FHIT: variants seen among roughly 807,000 people sequenced by gnomAD.
The protein encoded by FHIT is bis(5'-adenosyl)-triphosphatase.
Under a neutral mutation model 17.9 loss-of-function variants are expected in FHIT, and 19 were observed. The observed-to-expected ratio is 1.06, with a 90% CI of 0.74 to 1.56. The LOEUF (loss-of-function observed/expected upper bound fraction) is 1.56, where lower values mean the gene tolerates loss of function less well. Ranked by LOEUF, FHIT falls within the 40% of genes most tolerant of loss-of-function variation. The pLI is 0.00. For missense variants in FHIT, 248 were observed against 189.2 expected (o/e 1.31, Z -1.82); for synonymous variants, 81 against 69.7 (o/e 1.16, Z -0.81).
intron 4 of FHIT, among the ~76,000 whole-genome samples, chr3:60,714,113 G>A (rs1215537872): frequency 6.6e-6 from 1 of 152,196 alleles, no homozygotes; most frequent in Non-Finnish European, 1.5e-5. Context: ...TCCCTGGGAT[G>A]CAAGGCTGGT....
chr3:60,619,984 A>T (rs892983503), intron 4 of FHIT, among the ~76,000 whole-genome samples: 1 of 152,222 alleles, frequency 6.6e-6, no homozygotes, highest in African/African-American at 2.4e-5. Context: ...AAAATAATTT[A>T]AAAATGGGCA....
intron 3 of FHIT, among the ~76,000 whole-genome samples, chr3:60,848,264 C>T (rs182550400): frequency 1.3e-5 from 2 of 152,280 alleles, no homozygotes; most frequent in African/African-American, 4.8e-5. Context: ...GGGCCTTAAG[C>T]ACAGTTCTTC....
intron 4 of FHIT, among the ~76,000 whole-genome samples, chr3:60,800,846 T>C (rs1182841682): frequency 6.6e-6 from 1 of 152,140 alleles, no homozygotes; most frequent in Non-Finnish European, 1.5e-5. Flanking sequence ...GGACTGCCCT[T>C]GACCAGGCAT....
chr3:59,971,115 A>G (rs1248906205), intron 7 of FHIT, among the ~76,000 whole-genome samples: 4 of 152,070 alleles, frequency 2.6e-5, no homozygotes, highest in Non-Finnish European at 5.9e-5. Flanking sequence ...GTAATGCCAC[A>G]TATTAATTTA....
intron 5 of FHIT, among the ~76,000 whole-genome samples, chr3:60,517,986 A>C (rs1373331275): frequency 6.6e-6 from 1 of 152,234 alleles, no homozygotes; most frequent in Non-Finnish European, 1.5e-5. Context: ...TTTTTAAAGC[A>C]TGCCTATGAA....
chr3:60,692,349 T>A (rs1270415861), intron 4 of FHIT, among the ~76,000 whole-genome samples: 2 of 152,202 alleles, frequency 1.3e-5, no homozygotes. Flanking sequence ...TTAGATTACA[T>A]GGCAAAGGAA....
intron 3 of FHIT, among the ~76,000 whole-genome samples, chr3:60,953,868 A>G (rs782671093): frequency 3.3e-5 from 5 of 152,236 alleles, no homozygotes; most frequent in Non-Finnish European, 4.4e-5. Context: ...TCACGGAAAG[A>G]TGTCCATTAT....
At chr3:60,523,157 G>C (rs557232519) in intron 5 of FHIT, among the ~76,000 whole-genome samples, 5 of 152,082 alleles carry the variant, frequency 3.3e-5, no homozygotes, top group African/African-American at 4.8e-5. Context: ...CCCATAACAC[G>C]TGGGAATTAT....
chr3:59,907,917 GC>G (rs1704662340), intron 8 of FHIT, among the ~76,000 whole-genome samples: 1 of 152,138 alleles, frequency 6.6e-6, no homozygotes, highest in Admixed American at 6.5e-5. Flanking sequence ...CATCTTTAAG[GC>G]CATTGATGGC....
chr3:61,214,986 T>C (rs918575844), intron 1 of FHIT, among the ~76,000 whole-genome samples: 1 of 151,408 alleles, frequency 6.6e-6, no homozygotes, highest in Non-Finnish European at 1.5e-5. Context: ...CTCAATGAAT[T>C]AGGTATTGAT....
intron 3 of FHIT, among the ~76,000 whole-genome samples, chr3:60,849,985 C>A (rs923579538): frequency 1.3e-4 from 20 of 152,094 alleles, no homozygotes; most frequent in African/African-American, 4.8e-4. Flanking sequence ...CTCTTTCCTG[C>A]CTTCTTTCTA....
intron 8 of FHIT, among the ~76,000 whole-genome samples, chr3:59,793,389 A>G (rs1166498288): frequency 6.6e-6 from 1 of 151,926 alleles, no homozygotes; most frequent in Non-Finnish European, 1.5e-5. Flanking sequence ...GAGGAAGGAC[A>G]AAGTCAGAAT....
In FHIT at chr3:60,770,027, T is replaced by C. The variant is rs554169752; in HGVS notation, c.-18+51892A>G. Among the ~76,000 whole-genome samples, 211 of 152,268 alleles carry C rather than the reference T, an allele frequency of 1.4e-3. 1 individual carries two copies. Among genetic ancestry groups the C allele is most frequent in the African/African-American group, 5.0e-3 (209 of 41,566 alleles). On this transcript the variant is annotated intron_variant, in intron 4 of 9. Transcript: ENST00000492590. ...AGGGGTCATTAGTCTTGATTATCAG[T>C]TGGGAAATGAAGTTCCTGCTCAGCA...
chr3:61,126,873 T>C (rs776922063), intron 2 of FHIT, among the ~76,000 whole-genome samples: 3 of 152,098 alleles, frequency 2.0e-5, no homozygotes, highest in Non-Finnish European at 4.4e-5. Flanking sequence ...CAAGCCCTAC[T>C]GTACAAGTTC....
At chr3:60,925,087 T>C (rs1707512316) in intron 3 of FHIT, among the ~76,000 whole-genome samples, 1 of 152,214 alleles carries the variant, frequency 6.6e-6, no homozygotes, top group African/African-American at 2.4e-5. Context: ...ATCTGACTGA[T>C]GTACCTGAAA....
chr3:60,270,560 A>G (rs559690836), intron 5 of FHIT, among the ~76,000 whole-genome samples: 1 of 152,330 alleles, frequency 6.6e-6, no homozygotes, highest in African/African-American at 2.4e-5. Flanking sequence ...TATCATACAC[A>G]TGCAGAAGAT....
At chr3:60,672,950 A>G (rs924465122) in intron 4 of FHIT, among the ~76,000 whole-genome samples, 1 of 149,554 alleles carries the variant, frequency 6.7e-6, no homozygotes, top group Admixed American at 6.7e-5. Flanking sequence ...TTATCTTATC[A>G]AAATCTACCT....
intron 3 of FHIT, among the ~76,000 whole-genome samples, chr3:60,875,418 T>C (rs782425532): frequency 6.6e-6 from 1 of 152,182 alleles, no homozygotes; most frequent in East Asian, 1.9e-4. Flanking sequence ...CCAAGTTAGT[T>C]CTGTCAAACC....
At chr3:59,949,271 T>G (rs1371422999) in intron 7 of FHIT, among the ~76,000 whole-genome samples, 2 of 152,240 alleles carry the variant, frequency 1.3e-5, no homozygotes, top group African/African-American at 4.8e-5. Context: ...TCTTTACAAA[T>G]TTTCACATAG....
Sources: gnomAD v4.1 joint callset for allele counts (sites outside exome capture counted in the v4.1 genomes callset) on GRCh38, gnomAD v4.1.1 for gene constraint, MANE v1.5 for transcripts, NCBI Gene and HGNC (gene_info 2026-07-23, HGNC 2026-07-21) for gene names.